CFAP58: variants seen among roughly 807,000 people sequenced by gnomAD.
The protein encoded by CFAP58 is cilia and flagella associated protein 58.
CFAP58 carries 88 observed loss-of-function variants against 119.5 expected under a neutral mutation model. The ratio of observed to expected loss-of-function variants is 0.74; its 90% CI spans 0.62 to 0.88. The LOEUF is 0.88. Among genes scored for constraint, CFAP58 ranks in the 40% least tolerant of loss-of-function variants. The pLI, the probability that CFAP58 is intolerant of heterozygous loss-of-function variation, is 0.00. For synonymous variants in CFAP58, 365 were observed against 366.3 expected, an observed-to-expected ratio of 1.00 and a Z score of 0.04; for missense variants, 990 against 1,021.2, an observed-to-expected ratio of 0.97 and a Z score of 0.42.
intron 15 of CFAP58, among the ~76,000 whole-genome samples, chr10:104,410,374 A>G (rs1241375689): frequency 6.6e-6 from 1 of 152,166 alleles, no homozygotes; most frequent in Non-Finnish European, 1.5e-5. Flanking sequence ...CCAATTCCTT[A>G]CTTCTGGGTT....
At chr10:104,441,071 T>C (rs2013029176) in intron 15 of CFAP58, among the ~76,000 whole-genome samples, 1 of 152,214 alleles carries the variant, frequency 6.6e-6, no homozygotes, top group Non-Finnish European at 1.5e-5. Flanking sequence ...GGAGCAATCT[T>C]GGCTCACTGC....
intron 15 of CFAP58, among the ~76,000 whole-genome samples, chr10:104,438,356 T>G (rs1217695646): frequency 4.7e-5 from 4 of 84,696 alleles, no homozygotes; most frequent in Non-Finnish European, 8.4e-5. Flanking sequence ...TTGTTTTTTT[T>G]TTTTGTTTTT....
intron 13 of CFAP58, 70 bp from the exon 14 acceptor site, chr10:104,403,659 C>T: frequency 1.9e-6 from 2 of 1,031,122 alleles, no homozygotes; most frequent in Non-Finnish European, 2.9e-6. Flanking sequence ...GTGTATGCAA[C>T]TAATTAAAGA....
chr10:104,391,493 A>G (rs751794921), intron 9 of CFAP58, among the ~76,000 whole-genome samples: 1 of 152,130 alleles, frequency 6.6e-6, no homozygotes, highest in South Asian at 2.1e-4. Context: ...TTTTCTTCTT[A>G]AGGACTTTTT....
intron 7 of CFAP58, among the ~76,000 whole-genome samples, chr10:104,374,438 G>A (rs145263193): frequency 0.025 from 3,044 of 124,102 alleles, 92 homozygotes; most frequent in African/African-American, 0.068. Flanking sequence ...GTGACAGAGC[G>A]AGACCTTGTT....
At chr10:104,342,574 C>T in the CFAP58 span, among the ~76,000 whole-genome samples, 4 of 150,798 alleles carry the variant, frequency 2.7e-5, no homozygotes, top group East Asian at 2.0e-4. Context: ...GGCTCCTGTC[C>T]GTAATCCCAG....
chr10:104,351,400 T>G (rs2014457920), upstream of CFAP58, among the ~76,000 whole-genome samples: 2 of 152,204 alleles, frequency 1.3e-5, no homozygotes, highest in South Asian at 4.1e-4. Context: ...GGCCCGTGGA[T>G]AGACAAAGCA....
chr10:104,342,218 CAT>C, the CFAP58 span, among the ~76,000 whole-genome samples: 9 of 152,148 alleles, frequency 5.9e-5, no homozygotes, highest in African/African-American at 2.2e-4. Flanking sequence ...AACTATTTCC[CAT>C]AGTATGATGA....
chr10:104,371,176 C>G (rs2014818627), intron 7 of CFAP58, 122 bp downstream of exon 7: 5 of 934,650 alleles, frequency 5.3e-6, no homozygotes, highest in Non-Finnish European at 7.8e-6. Context: ...TAAAACAACA[C>G]TCACACTGGT....
chr10:104,381,115 A>G (rs2011791654), intron 9 of CFAP58, among the ~76,000 whole-genome samples: 1 of 152,176 alleles, frequency 6.6e-6, no homozygotes, highest in South Asian at 2.1e-4. Flanking sequence ...GCAGCACTGC[A>G]CTCCAGCCTG....
intron 13 of CFAP58, among the ~76,000 whole-genome samples, chr10:104,402,312 T>C (rs1284055174): frequency 2.6e-5 from 4 of 152,194 alleles, no homozygotes; most frequent in African/African-American, 9.6e-5. Context: ...TTCTAGAAAA[T>C]TGAAGTGTTA....
intron 15 of CFAP58, among the ~76,000 whole-genome samples, chr10:104,409,426 T>C (rs1296570161): frequency 6.6e-6 from 1 of 152,226 alleles, no homozygotes; most frequent in Non-Finnish European, 1.5e-5. Flanking sequence ...TCAGTTTTTA[T>C]ACCTGACGCC....
chr10:104,356,485 A>G (rs2014544460), intron 1 of CFAP58, among the ~76,000 whole-genome samples: 2 of 152,212 alleles, frequency 1.3e-5, no homozygotes, highest in South Asian at 4.1e-4. Flanking sequence ...ATATTAAAAC[A>G]TAATGTTGCA....
At chr10:104,381,461 G>C (rs2011802218) in intron 9 of CFAP58, among the ~76,000 whole-genome samples, 1 of 152,122 alleles carries the variant, frequency 6.6e-6, no homozygotes, top group Admixed American at 6.5e-5. Context: ...TTAGTTACGA[G>C]GCTGATAACA....
rs1564876023 is a variant in CFAP58 at position 104,357,933 on chromosome 10, A to ACATATATGTACACATATATG, written c.10-406_10-405insTATATGTACACATATATGCA. Among the ~76,000 whole-genome samples the ACATATATGTACACATATATG allele has an allele frequency of 2.6e-3, 317 of 121,750 alleles. 7 individuals are homozygous for ACATATATGTACACATATATG. The highest frequency in any genetic ancestry group is 0.013 in the African/African-American group (298 of 22,304). 79.9% of individuals were successfully genotyped at this position (121,750 alleles called of 152,430 possible). A position where few individuals can be genotyped will look rare whatever the true frequency, so the allele number is the denominator to read the frequency against. On this transcript the variant is annotated intron_variant, in intron 1 of 17. Transcript: ENST00000369704. Reference sequence around the variant, plus strand: ...TACACACATATATGTACACATATACACACATATATGTACACATATATACAC... The same window carrying ACATATATGTACACATATATG: ...TACACACATATATGTACACATATACACATATATGTACACATATATGCACATATATGTACACATATATACAC...
At chr10:104,404,945 T>C (rs955718540) in intron 14 of CFAP58, among the ~76,000 whole-genome samples, 1 of 152,236 alleles carries the variant, frequency 6.6e-6, no homozygotes, top group Non-Finnish European at 1.5e-5. Flanking sequence ...AAAGACAATA[T>C]GTATTTTACA....
In CFAP58 at chr10:104,400,821, A is replaced by G; in HGVS notation, c.1957A>G (p.Arg653Gly). The G allele has an allele frequency of 6.2e-7, 1 of 1,614,192 alleles. No homozygotes were observed. Among genetic ancestry groups the G allele is most frequent in the African/African-American group, 1.3e-5 (1 of 75,044 alleles). Residue 653 changes from arginine (R) to glycine (G), a missense_variant, in exon 13 of 18, where the codon AGA becomes GGA. Physicochemically the swap from Arg to Gly is moderately radical, Grantham distance 125. Transcript: ENST00000369704. ...SQYNQRLEDMRILRLEIKKLR... is the reference protein window; with the variant it reads ...SQYNQRLEDMGILRLEIKKLR... ...GTACAACCAGAGGTTGGAGGACATG[A>G]GAATCCTCAGACTTGAGATCAAGAA...
At chr10:104,418,705 A>T (rs1174691484) in intron 15 of CFAP58, among the ~76,000 whole-genome samples, 1 of 152,202 alleles carries the variant, frequency 6.6e-6, no homozygotes, top group Non-Finnish European at 1.5e-5. Flanking sequence ...TTATTCAGTT[A>T]TTAAGGAACT....
intron 9 of CFAP58, among the ~76,000 whole-genome samples, chr10:104,383,753 AACACAC>A (rs59181888): frequency 3.4e-5 from 5 of 145,846 alleles, no homozygotes; most frequent in African/African-American, 7.7e-5. Context: ...TTTACTGTCC[AACACAC>A]ACACACACAC....
Sources: allele counts gnomAD v4.1 joint callset (sites outside exome capture counted in the v4.1 genomes callset), GRCh38; gene constraint gnomAD v4.1.1; transcripts MANE v1.5; gene names NCBI Gene and HGNC (gene_info 2026-07-23, HGNC 2026-07-21).